LHFPL3: variants seen among roughly 807,000 people sequenced by gnomAD.
LHFPL3 encodes the protein LHFPL tetraspan subfamily member 3 protein.
Under a neutral mutation model 19.3 loss-of-function variants are expected in LHFPL3, and 5 were observed. That is an observed-to-expected ratio of 0.26 (90% CI 0.14 to 0.54). The LOEUF (loss-of-function observed/expected upper bound fraction) is 0.54, where lower values mean the gene tolerates loss of function less well. Ranked by LOEUF, LHFPL3 falls within the 20% of genes least tolerant of loss-of-function variation. The probability of loss-of-function intolerance (pLI) is 0.94; values close to 1 mark genes in which losing one functional copy is unlikely to be tolerated. For synonymous variants in LHFPL3, 133 were observed against 126.2 expected (o/e 1.05, Z -0.36); for missense variants, 249 against 307.4 (o/e 0.81, Z 1.42).
intron 1 of LHFPL3, among the ~76,000 whole-genome samples, chr7:104,690,849 C>G (rs1198463167): frequency 6.6e-6 from 1 of 152,208 alleles, no homozygotes; most frequent in Non-Finnish European, 1.5e-5. Flanking sequence ...GGAGAAAGCT[C>G]TGCAATAGGT....
intron 2 of LHFPL3, among the ~76,000 whole-genome samples, chr7:104,805,678 C>A (rs1584544382): frequency 6.6e-6 from 1 of 152,222 alleles, no homozygotes; most frequent in African/African-American, 2.4e-5. Flanking sequence ...AAGCACAAAG[C>A]CTTTCCTTCA....
At chr7:104,790,303 TC>T (rs1790000775) in intron 2 of LHFPL3, among the ~76,000 whole-genome samples, 2 of 152,186 alleles carry the variant, frequency 1.3e-5, no homozygotes, top group African/African-American at 4.8e-5. Context: ...TCAAGAGGTT[TC>T]TAGAGTTGCC....
chr7:104,651,059 C>G (rs538125413), intron 1 of LHFPL3, among the ~76,000 whole-genome samples: 1 of 152,056 alleles, frequency 6.6e-6, no homozygotes, highest in Non-Finnish European at 1.5e-5. Context: ...GAGCAGCCAC[C>G]GTAAGAATAA....
At chr7:104,605,361 G>A (rs1433684559) in intron 1 of LHFPL3, among the ~76,000 whole-genome samples, 1 of 152,016 alleles carries the variant, frequency 6.6e-6, no homozygotes, top group Non-Finnish European at 1.5e-5. Flanking sequence ...GAAAAAAATG[G>A]TGATTTCCTT....
chr7:104,671,618 T>C (rs1034556969), intron 1 of LHFPL3, among the ~76,000 whole-genome samples: 5 of 151,832 alleles, frequency 3.3e-5, no homozygotes, highest in Non-Finnish European at 7.4e-5. Flanking sequence ...TACAGACTTT[T>C]CCACTATAAG....
intron 1 of LHFPL3, among the ~76,000 whole-genome samples, chr7:104,418,475 C>G (rs769636035): frequency 8.6e-5 from 13 of 152,046 alleles, no homozygotes; most frequent in Non-Finnish European, 1.9e-4. Flanking sequence ...GAGGCTGCAG[C>G]AAGCTATGAT....
chr7:104,861,106 T>C (rs1214021737), intron 2 of LHFPL3, among the ~76,000 whole-genome samples: 1 of 152,136 alleles, frequency 6.6e-6, no homozygotes, highest in Non-Finnish European at 1.5e-5. Flanking sequence ...TTGATAAAGG[T>C]TTCTTTCAAT....
chr7:104,682,676 G>A (rs747526507), intron 1 of LHFPL3, among the ~76,000 whole-genome samples: 35 of 152,056 alleles, frequency 2.3e-4, no homozygotes, highest in South Asian at 1.5e-3. Context: ...GGATAAATGG[G>A]GCCCCTTCCC....
intron 1 of LHFPL3, among the ~76,000 whole-genome samples, chr7:104,365,788 A>C (rs369051021): frequency 6.3e-4 from 36 of 57,408 alleles, no homozygotes; most frequent in Middle Eastern, 9.1e-3. Flanking sequence ...ACTCCGTCTC[A>C]AAAAAAAAAA....
intron 1 of LHFPL3, among the ~76,000 whole-genome samples, chr7:104,488,990 C>A (rs1793288752): frequency 1.3e-5 from 2 of 152,118 alleles, no homozygotes; most frequent in African/African-American, 2.4e-5. Flanking sequence ...CACTCAGTGT[C>A]CCATGCTCAG....
chr7:104,906,047 A>G, intron 2 of LHFPL3, 140 bp from the exon 3 acceptor site: 1 of 774,326 alleles, frequency 1.3e-6, no homozygotes, highest in South Asian at 1.7e-5. Context: ...GTTTGGTAAC[A>G]AATGCAAAAT....
chr7:104,599,574 C>G (rs1790925448), intron 1 of LHFPL3, among the ~76,000 whole-genome samples: 2 of 152,166 alleles, frequency 1.3e-5, no homozygotes, highest in Non-Finnish European at 2.9e-5. Flanking sequence ...TTAGCATTTT[C>G]TGAGCACCTT....
Position 104,880,897 on chromosome 7 carries a change from G to A in LHFPL3, c.683-25290G>A, listed in dbSNP as rs370529516. ...TAAGAAATACTTTGTGTGGCCAGGC[G>A]CGGTGGCTCATGCCTGTAATCCCAG... is the stretch of plus-strand genomic sequence containing the variant. On this transcript the variant is annotated intron_variant, in intron 2 of 2. Transcript: ENST00000424859. Among the ~76,000 whole-genome samples, 189 of 152,180 alleles carry A rather than the reference G, an allele frequency of 1.2e-3. 1 individual carries two copies. The highest frequency in any genetic ancestry group is 1.8e-3 in the Non-Finnish European group (121 of 67,982).
intron 2 of LHFPL3, among the ~76,000 whole-genome samples, chr7:104,783,175 T>C (rs75238340): frequency 0.027 from 4,092 of 152,332 alleles, 259 homozygotes; most frequent in East Asian, 0.26. Flanking sequence ...AAGGTGCTTC[T>C]GGTGCACATT....
chr7:104,502,876 T>G (rs972431179), intron 1 of LHFPL3, among the ~76,000 whole-genome samples: 1 of 152,188 alleles, frequency 6.6e-6, no homozygotes, highest in Non-Finnish European at 1.5e-5. Flanking sequence ...TATTAGCTTA[T>G]AAAATGATAA....
At chr7:104,488,049 C>T (rs1793270904) in intron 1 of LHFPL3, among the ~76,000 whole-genome samples, 1 of 152,152 alleles carries the variant, frequency 6.6e-6, no homozygotes, top group African/African-American at 2.4e-5. Context: ...CTGGTTATCA[C>T]TTTCTCATTT....
At chr7:104,897,184 T>G (rs1584604528) in intron 2 of LHFPL3, among the ~76,000 whole-genome samples, 1 of 152,190 alleles carries the variant, frequency 6.6e-6, no homozygotes, top group African/African-American at 2.4e-5. Context: ...TCTCTGGCTT[T>G]CCATGACTGC....
At chr7:104,430,370 G>GTATATA (rs1296589956) in intron 1 of LHFPL3, among the ~76,000 whole-genome samples, 3 of 61,426 alleles carry the variant, frequency 4.9e-5, no homozygotes, top group African/African-American at 1.8e-4. Context: ...ATTTCTGTGG[G>GTATATA]TATATATATA....
intron 2 of LHFPL3, among the ~76,000 whole-genome samples, chr7:104,828,690 G>C (rs1790871345): frequency 6.6e-6 from 1 of 151,976 alleles, no homozygotes; most frequent in Admixed American, 6.5e-5. Context: ...TAGCTGAATA[G>C]GTCAGCCAGA....
Sources: gnomAD v4.1 joint callset for allele counts (sites outside exome capture counted in the v4.1 genomes callset) on GRCh38, gnomAD v4.1.1 for gene constraint, MANE v1.5 for transcripts, NCBI Gene and HGNC (gene_info 2026-07-23, HGNC 2026-07-21) for gene names.